The following MTARC2 variants were observed in gnomAD, a reference collection of about 807,000 sequenced individuals.
MTARC2 encodes the protein MOCO sulphurase C-terminal domain containing 2.
A neutral mutation model predicts 35.6 loss-of-function variants in MTARC2; 27 were observed. The observed-to-expected ratio is 0.76, with a 90% CI of 0.56 to 1.04. The LOEUF (loss-of-function observed/expected upper bound fraction) is 1.04, where lower values mean the gene tolerates loss of function less well. Ranked by LOEUF, MTARC2 falls within the 50% of genes least tolerant of loss-of-function variation. MTARC2 has a pLI of 0.00. For synonymous variants in MTARC2, 158 were observed against 167.1 expected, an observed-to-expected ratio of 0.95 and a Z score of 0.42; for missense variants, 412 against 432.5, an observed-to-expected ratio of 0.95 and a Z score of 0.42.
At chr1:220,769,861 C>T (rs1572308947) in intron 4 of MTARC2, among the ~76,000 whole-genome samples, 1 of 128,760 alleles carries the variant, frequency 7.8e-6, no homozygotes. Context: ...TTTTTTTTGG[C>T]GGTCAGATCA....
In MTARC2 at chr1:220,748,565, C is replaced by T; in HGVS notation, c.34C>T (p.Leu12Phe). 2.8e-6 allele frequency: 4 copies of T among 1,442,692 alleles called. No homozygotes were observed. Among genetic ancestry groups the T allele is most frequent in the South Asian group, 1.4e-5 (1 of 71,646 alleles). 89.4% of individuals were successfully genotyped at this position (1,442,692 alleles called of 1,614,324 possible). Reference protein sequence around the residue: ...GASSSSALARLGLPARPWPRW... With the variant: ...GASSSSALARFGLPARPWPRW... Reference sequence around the variant, plus strand: ...TTCCAGCTCCTCCGCGCTGGCCCGCCTCGGCCTCCCAGCCCGGCCCTGGCC... The same window carrying T: ...TTCCAGCTCCTCCGCGCTGGCCCGCTTCGGCCTCCCAGCCCGGCCCTGGCC... The change falls in exon 1 of 8, where the codon CTC (leucine) becomes TTC (phenylalanine). Residue 12 changes from leucine (L) to phenylalanine (F), a missense_variant. Transcript: ENST00000366913.
rs143981976 is a variant in MTARC2, at chr1:220,750,578, C to A, written c.272+1775C>A. Among the ~76,000 whole-genome samples, 7 of 152,166 alleles carry A rather than the reference C, an allele frequency of 4.6e-5. No homozygotes were observed. The South Asian group carries it at 1.5e-3, about 32-fold the overall frequency. The stretch of plus-strand genomic sequence containing the variant: ...CCTTTCCCTTGTTTTAAACAATAAA[C>A]GCTTAGGATGGGGTGGGGTGATGTG... On this transcript the variant is annotated intron_variant, in intron 1 of 7. Coordinates refer to ENST00000366913, the MANE Select transcript of MTARC2 (RefSeq NM_017898.5).
At chr1:220,778,138 A>T (rs1671965569) in intron 4 of MTARC2, among the ~76,000 whole-genome samples, 1 of 147,690 alleles carries the variant, frequency 6.8e-6, no homozygotes, top group African/African-American at 2.5e-5. Flanking sequence ...GCTACTCAGG[A>T]GGCTGAGGCA....
intron 2 of MTARC2, among the ~76,000 whole-genome samples, chr1:220,758,232 C>G (rs1164717699): frequency 6.6e-6 from 1 of 152,090 alleles, no homozygotes; most frequent in African/African-American, 2.4e-5. Context: ...ATCCACCCGC[C>G]TCGGCTTCCC....
At chr1:220,782,181 G>A (rs1178693033) in intron 7 of MTARC2, among the ~76,000 whole-genome samples, 1 of 152,184 alleles carries the variant, frequency 6.6e-6, no homozygotes, top group African/African-American at 2.4e-5. Context: ...TCAGCAGAAA[G>A]ACAGGTATAT....
Position 220,761,708 on chromosome 1 carries a change from A to AGTG in MTARC2, c.500_502dup (p.Trp167dup). ...AGAGACTGTGGCAATGAGGCAGCTA[A>AGTG]GTGGTTCACCAACTTCTTGAAAACT... On this transcript the variant is annotated inframe_insertion, in exon 3 of 8. Transcript: ENST00000366913. 1 of 1,614,154 alleles carries AGTG rather than the reference A, an allele frequency of 6.2e-7. No homozygotes were observed. Among genetic ancestry groups the AGTG allele is most frequent in the Non-Finnish European group, 8.5e-7 (1 of 1,180,022 alleles).
chr1:220,755,711 C>G (rs534060667), intron 2 of MTARC2, among the ~76,000 whole-genome samples: 1 of 152,292 alleles, frequency 6.6e-6, no homozygotes, highest in South Asian at 2.1e-4. Context: ...GTTCCTATTA[C>G]AGGCACACTT....
chr1:220,782,875 A>G (rs1672119124), intron 7 of MTARC2, among the ~76,000 whole-genome samples: 1 of 152,254 alleles, frequency 6.6e-6, no homozygotes, highest in South Asian at 2.1e-4. Context: ...GTACTTACCA[A>G]AACAAGCAAT....
At chr1:220,758,632 T>G (rs1033942874) in intron 2 of MTARC2, among the ~76,000 whole-genome samples, 1 of 152,122 alleles carries the variant, frequency 6.6e-6, no homozygotes, top group Admixed American at 6.5e-5. Flanking sequence ...TTGGCCAGGT[T>G]GTTCTCGAAC....
rs17008680 is a variant in MTARC2, at chr1:220,779,968, A to C, written c.751-50A>C. On this transcript the variant is annotated intron_variant, in intron 4 of 7. Transcript: ENST00000366913. The stretch of plus-strand genomic sequence containing the variant: ...TATGAGCCAAAGAATAAACAGACTC[A>C]AAGGCTAATGAAGCCACCATTTAAA... 12,432 of 1,395,676 alleles carry C rather than the reference A, an allele frequency of 8.9e-3. 203 individuals carry two copies. Among genetic ancestry groups the C allele is most frequent in the East Asian group, 0.055 (2,187 of 39,600 alleles). 86.5% of individuals were successfully genotyped at this position (1,395,676 alleles called of 1,614,324 possible). A position where few individuals can be genotyped will look rare whatever the true frequency, so the allele number is the denominator to read the frequency against.
intron 7 of MTARC2, 70 bp from the exon 8 acceptor site, chr1:220,783,849 G>C: frequency 2.8e-6 from 2 of 716,726 alleles, no homozygotes; most frequent in Non-Finnish European, 5.2e-6. Flanking sequence ...ACTGTTTTGT[G>C]GGAGTTTGAA....
chr1:220,748,792 C>T lies in MTARC2; in HGVS notation c.261C>T (p.Asn87=), dbSNP rs141597738. The T allele has an allele frequency of 7.5e-5, 120 of 1,593,566 alleles. No individual in the cohort carries two copies. In the Middle Eastern group the frequency reaches 1.7e-3, roughly 22 times the overall value. Residue 87 remains asparagine (N), a synonymous_variant, in exon 1 of 8, where the codon AAC becomes AAT. Coordinates refer to ENST00000366913, the MANE Select transcript of MTARC2 (RefSeq NM_017898.5). ...CGGCCATGGGGCTGCGCAGCGGCAACCTGCGGGACAGGTACAGCACAGCGC... is the reference window on the plus strand; with the variant it reads ...CGGCCATGGGGCTGCGCAGCGGCAATCTGCGGGACAGGTACAGCACAGCGC... ...ECTAMGLRSG[N]LRDRFWLVIK...
chr1:220,751,060 T>C (rs1473041318), intron 1 of MTARC2, among the ~76,000 whole-genome samples: 1 of 152,208 alleles, frequency 6.6e-6, no homozygotes, highest in Non-Finnish European at 1.5e-5. Context: ...GAGAACTCTG[T>C]TTGATAGCCG....
At chr1:220,765,763 G>A (rs1328507227) in intron 4 of MTARC2, among the ~76,000 whole-genome samples, 3 of 152,046 alleles carry the variant, frequency 2.0e-5, no homozygotes, top group African/African-American at 4.8e-5. Flanking sequence ...GTATTTTTTT[G>A]TAGAGACAGG....
At chr1:220,762,648 G>A (rs901133216) in intron 3 of MTARC2, among the ~76,000 whole-genome samples, 2 of 152,154 alleles carry the variant, frequency 1.3e-5, no homozygotes, top group Admixed American at 6.6e-5. Flanking sequence ...GCTGGAGTGG[G>A]AGTGGGAACC....
At position 220,780,163 on chromosome 1, in the gene MTARC2, A is replaced by G; in HGVS notation, c.813-5A>G. On this transcript the variant is annotated splice_region_variant and splice_polypyrimidine_tract_variant and intron_variant, in intron 5 of 7. Coordinates refer to ENST00000366913, the MANE Select transcript of MTARC2 (RefSeq NM_017898.5). ...ATCACCTAACCCTTGGTTACTGCAT[A>G]ACAGGTGTATTTTGACAACGGTGGA... 6.2e-7 allele frequency: 1 copy of G among 1,613,078 alleles called. No individual in the cohort carries two copies. The highest frequency in any genetic ancestry group is 8.5e-7 in the Non-Finnish European group (1 of 1,179,562).
chr1:220,759,065 G>C (rs993792514), intron 2 of MTARC2, among the ~76,000 whole-genome samples: 1 of 152,014 alleles, frequency 6.6e-6, no homozygotes, highest in Admixed American at 6.6e-5. Flanking sequence ...TGTTTTGTTA[G>C]ATTTAGTCCT....
At chr1:220,775,969 A>G (rs1210658404) in intron 4 of MTARC2, among the ~76,000 whole-genome samples, 1 of 152,166 alleles carries the variant, frequency 6.6e-6, no homozygotes, top group East Asian at 1.9e-4. Context: ...GCTGTTGTGA[A>G]CAGTGCTGTG....
chr1:220,760,157 G>T (rs1207637019), intron 2 of MTARC2, among the ~76,000 whole-genome samples: 1 of 152,186 alleles, frequency 6.6e-6, no homozygotes. Flanking sequence ...AAAGGCTTTT[G>T]TCTGTCCACC....
Sources: gnomAD v4.1 joint callset for allele counts (sites outside exome capture counted in the v4.1 genomes callset) on GRCh38, gnomAD v4.1.1 for gene constraint, MANE v1.5 for transcripts, NCBI Gene and HGNC (gene_info 2026-07-23, HGNC 2026-07-21) for gene names.